Variants in AK8 observed in about 807,000 individuals in gnomAD.
AK8 encodes adenylate kinase 8, also known as ATP-AMP transphosphorylase 8.
A neutral mutation model predicts 54.6 loss-of-function variants in AK8; 44 were observed. That is an observed-to-expected ratio of 0.81 (90% CI 0.63 to 1.04). The LOEUF (loss-of-function observed/expected upper bound fraction) is 1.04, where lower values mean the gene tolerates loss of function less well. Among genes scored for constraint, AK8 ranks in the 50% least tolerant of loss-of-function variants. AK8 has a pLI of 0.00. For missense variants in AK8, 555 were observed against 613.6 expected (o/e 0.90, Z 1.01); for synonymous variants, 239 against 245.6 (o/e 0.97, Z 0.25).
rs576941320 is a variant in AK8, at chr9:132,819,013, A to G, written c.889+4192T>C. Among the ~76,000 whole-genome samples the G allele has an allele frequency of 3.9e-5, 6 of 152,284 alleles. No individual in the cohort carries two copies. In the East Asian group the frequency reaches 1.2e-3, roughly 29 times the overall value. ...TTAACATCAGACAAAGTGGACTTCA[A>G]GAAAATGAGTATTGCTAGAGAGGAA... On this transcript the variant is annotated intron_variant, in intron 9 of 12. Transcript: ENST00000298545.
At position 132,827,061 on chromosome 9, in the gene AK8, G is replaced by A. The variant is rs185277817; in HGVS notation, c.557-7C>T. The A allele has an allele frequency of 5.1e-5, 82 of 1,613,794 alleles. No individual in the cohort carries two copies. The East Asian group carries it at 1.7e-3, about 33-fold the overall frequency. ...AAGGTGGTGTGATAAATCTCTACAA[G>A]GAGAGAGGTGCACAGTTAGAAATGG... On this transcript the variant is annotated splice_polypyrimidine_tract_variant and splice_region_variant and intron_variant, in intron 7 of 12. Coordinates refer to ENST00000298545, the MANE Select transcript of AK8 (RefSeq NM_152572.3).
At chr9:132,868,015 C>T (rs1843672072) in intron 2 of AK8, among the ~76,000 whole-genome samples, 1 of 152,212 alleles carries the variant, frequency 6.6e-6, no homozygotes, top group Non-Finnish European at 1.5e-5. Flanking sequence ...GCCTGCTCAA[C>T]ACCATCTTGA....
intron 5 of AK8, among the ~76,000 whole-genome samples, chr9:132,835,809 G>A (rs1387920943): frequency 1.3e-5 from 2 of 152,180 alleles, no homozygotes; most frequent in Admixed American, 6.5e-5. Flanking sequence ...ACAACACAGC[G>A]AGACCCCGCT....
At chr9:132,801,340 G>A (rs142684894) in intron 10 of AK8, among the ~76,000 whole-genome samples, 12 of 152,240 alleles carry the variant, frequency 7.9e-5, no homozygotes, top group African/African-American at 2.6e-4. Context: ...CTTCTCTATT[G>A]GAAATGCTCG....
Position 132,828,057 on chromosome 9 carries a change from A to C in AK8, c.512T>G (p.Leu171Arg). The change falls in exon 7 of 13, where the codon CTG (leucine) becomes CGG (arginine). Residue 171 changes from leucine (L) to arginine (R), a missense_variant. Leu to Arg is a moderately radical substitution (Grantham distance 102). Coordinates refer to ENST00000298545, the MANE Select transcript of AK8 (RefSeq NM_152572.3). ...VIVLSAPDTV[L>R]IERNLGKRID... ...TCTCTTCCCCAAGTTTCTCTCGATC[A>C]GGACCGTGTCTGGAGCACTCAGCAC... is the stretch of plus-strand genomic sequence containing the variant. 6.4e-7 allele frequency: 1 copy of C among 1,574,218 alleles called. No individual in the cohort carries two copies. Among genetic ancestry groups the C allele is most frequent in the South Asian group, 1.2e-5 (1 of 85,702 alleles).
At chr9:132,785,655 A>G (rs551214579) in intron 11 of AK8, among the ~76,000 whole-genome samples, 68 of 152,276 alleles carry the variant, frequency 4.5e-4, no homozygotes, top group Non-Finnish European at 7.1e-4. Context: ...AAGCAAAAAT[A>G]AGTGGGATAG....
intron 5 of AK8, among the ~76,000 whole-genome samples, chr9:132,830,945 CA>C (rs1842078566): frequency 6.6e-6 from 1 of 152,158 alleles, no homozygotes; most frequent in South Asian, 2.1e-4. Context: ...AATAGGGCTG[CA>C]TTCCAGTGTG....
At chr9:132,872,573 C>T (rs979337928) in intron 2 of AK8, among the ~76,000 whole-genome samples, 3 of 152,136 alleles carry the variant, frequency 2.0e-5, no homozygotes, top group Admixed American at 1.3e-4. Context: ...TCAAGCGATC[C>T]TCCTGTCTCA....
At chr9:132,778,912 G>C (rs1359129230) in intron 11 of AK8, among the ~76,000 whole-genome samples, 2 of 148,812 alleles carry the variant, frequency 1.3e-5, no homozygotes, top group Non-Finnish European at 3.0e-5. Context: ...ATGGGGTCCT[G>C]AACAAAAGGG....
chr9:132,734,406 T>G (rs1431969194), intron 11 of AK8, among the ~76,000 whole-genome samples: 2 of 152,150 alleles, frequency 1.3e-5, no homozygotes, highest in Non-Finnish European at 2.9e-5. Context: ...GAGATTCTGG[T>G]ATACTTGGTC....
At chr9:132,786,884 C>T (rs1243187909) in intron 11 of AK8, among the ~76,000 whole-genome samples, 1 of 151,992 alleles carries the variant, frequency 6.6e-6, no homozygotes, top group Non-Finnish European at 1.5e-5. Flanking sequence ...TCAAATATGT[C>T]ATTAACATTT....
At chr9:132,835,233 T>C (rs1184966123) in intron 5 of AK8, among the ~76,000 whole-genome samples, 1 of 152,156 alleles carries the variant, frequency 6.6e-6, no homozygotes, top group East Asian at 1.9e-4. Context: ...CAAGTATCTA[T>C]GGTGCCCCTG....
chr9:132,820,374 C>T (rs529516569), intron 9 of AK8, among the ~76,000 whole-genome samples: 17 of 152,250 alleles, frequency 1.1e-4, no homozygotes, highest in African/African-American at 3.6e-4. Context: ...TTGTTTTCTG[C>T]CCCTCCCTTA....
chr9:132,740,046 C>T (rs1250535844), intron 11 of AK8, among the ~76,000 whole-genome samples: 1 of 152,256 alleles, frequency 6.6e-6, no homozygotes, highest in Admixed American at 6.5e-5. Context: ...TAGTAAATTT[C>T]AAGCTGCCAA....
chr9:132,765,365 G>A (rs1025255213), intron 11 of AK8, among the ~76,000 whole-genome samples: 11 of 149,014 alleles, frequency 7.4e-5, no homozygotes, highest in Admixed American at 2.0e-4. Flanking sequence ...AAGATGGTTC[G>A]ATATATGCAA....
At chr9:132,788,349 G>A (rs975865468) in intron 11 of AK8, among the ~76,000 whole-genome samples, 3 of 152,162 alleles carry the variant, frequency 2.0e-5, no homozygotes, top group Non-Finnish European at 4.4e-5. Flanking sequence ...AAAGAAGACT[G>A]GAAAATGGGA....
intron 11 of AK8, among the ~76,000 whole-genome samples, chr9:132,746,457 G>A (rs757408048): frequency 6.6e-6 from 1 of 152,250 alleles, no homozygotes; most frequent in Non-Finnish European, 1.5e-5. Flanking sequence ...CATCTAAGGG[G>A]ACAGGGATGG....
chr9:132,758,130 C>T lies in AK8; in HGVS notation c.1122-30596G>A, dbSNP rs1312317598. ...TCAGTCATCCAATTCTTTATTGCCA[C>T]CAGTAGAATTATGAGCTCTTGGGCA... On this transcript the variant is annotated intron_variant, in intron 11 of 12. Coordinates refer to ENST00000298545, the MANE Select transcript of AK8 (RefSeq NM_152572.3). 2.0e-5 allele frequency among the ~76,000 whole-genome samples: 3 copies of T among 152,244 alleles called. No homozygotes were observed. In the East Asian group the frequency reaches 5.8e-4, roughly 29 times the overall value.
At chr9:132,742,827 C>T (rs2130983413) in intron 11 of AK8, among the ~76,000 whole-genome samples, 1 of 152,328 alleles carries the variant, frequency 6.6e-6, no homozygotes, top group Admixed American at 6.5e-5. Flanking sequence ...GCCACTTCAT[C>T]CTCATCACAA....
Sources: allele counts gnomAD v4.1 joint callset (sites outside exome capture counted in the v4.1 genomes callset), GRCh38; gene constraint gnomAD v4.1.1; transcripts MANE v1.5; gene names NCBI Gene and HGNC (gene_info 2026-07-23, HGNC 2026-07-21).